STIM2: variants seen among roughly 807,000 people sequenced by gnomAD.
The protein encoded by STIM2 is stromal interaction molecule 2.
A neutral mutation model predicts 85.8 loss-of-function variants in STIM2; 31 were observed. The ratio of observed to expected loss-of-function variants is 0.36; its 90% confidence interval spans 0.27 to 0.49. The LOEUF (loss-of-function observed/expected upper bound fraction) is 0.49. STIM2 is among the 20% of genes least tolerant of loss of function. The pLI is 0.98. For missense variants in STIM2, 841 were observed against 927.6 expected (o/e 0.91, Z 1.21); for synonymous variants, 356 against 331.1 (o/e 1.08, Z -0.82).
intron 1 of STIM2, among the ~76,000 whole-genome samples, chr4:26,896,552 G>T (rs1342187717): frequency 6.6e-6 from 1 of 152,090 alleles, no homozygotes; most frequent in African/African-American, 2.4e-5. Context: ...TTTAAAAAAC[G>T]CTTTTATTTT....
intron 4 of STIM2, among the ~76,000 whole-genome samples, chr4:26,996,126 G>A (rs980876533): frequency 6.6e-6 from 1 of 151,986 alleles, no homozygotes; most frequent in African/African-American, 2.4e-5. Flanking sequence ...TGATAGCAAA[G>A]TCCAGGTTGC....
chr4:26,966,524 T>C (rs1330733872), intron 3 of STIM2, among the ~76,000 whole-genome samples: 1 of 152,084 alleles, frequency 6.6e-6, no homozygotes, highest in African/African-American at 2.4e-5. Context: ...ACTTAAGTCT[T>C]TTTCCCCCCA....
chr4:26,864,014 G>A (rs1722307762), intron 1 of STIM2, among the ~76,000 whole-genome samples: 1 of 152,028 alleles, frequency 6.6e-6, no homozygotes, highest in African/African-American at 2.4e-5. Flanking sequence ...GGGATTTAGT[G>A]TACTTTAAGA....
At chr4:26,968,228 A>G (rs1377790329) in intron 3 of STIM2, among the ~76,000 whole-genome samples, 4 of 152,174 alleles carry the variant, frequency 2.6e-5, no homozygotes, top group Non-Finnish European at 4.4e-5. Flanking sequence ...ACGGAGTGAC[A>G]TACATGCACA....
chr4:26,971,671 G>A (rs2109104917), intron 3 of STIM2, among the ~76,000 whole-genome samples: 1 of 152,290 alleles, frequency 6.6e-6, no homozygotes, highest in Admixed American at 6.5e-5. Context: ...TTGAAGTCAG[G>A]TAGTGTGATG....
intron 1 of STIM2, among the ~76,000 whole-genome samples, chr4:26,905,668 A>G (rs1253004119): frequency 6.6e-6 from 1 of 152,252 alleles, no homozygotes; most frequent in Non-Finnish European, 1.5e-5. Context: ...CATAATTAAC[A>G]TAGAAAAATA....
intron 1 of STIM2, among the ~76,000 whole-genome samples, chr4:26,896,233 C>G (rs1211229939): frequency 6.6e-6 from 1 of 152,222 alleles, no homozygotes; most frequent in Non-Finnish European, 1.5e-5. Context: ...CACTTTTCAT[C>G]TCTTTGACTG....
At chr4:27,022,399 A>T in intron 11 of STIM2, 120 bp from the exon 12 acceptor site, 2 of 791,962 alleles carry the variant, frequency 2.5e-6, no homozygotes, top group Non-Finnish European at 4.0e-6. Flanking sequence ...ATATAGAATC[A>T]TATCATTTCC....
At chr4:26,973,190 C>T (rs533264985) in intron 3 of STIM2, among the ~76,000 whole-genome samples, 71 of 152,052 alleles carry the variant, frequency 4.7e-4, no homozygotes, top group African/African-American at 1.6e-3. Context: ...TCAAAAAACC[C>T]GCTCCTGGAT....
intron 1 of STIM2, among the ~76,000 whole-genome samples, chr4:26,872,012 A>G (rs1366102258): frequency 6.6e-6 from 1 of 152,152 alleles, no homozygotes; most frequent in Non-Finnish European, 1.5e-5. Context: ...GAATAAATGA[A>G]TTACTCTGTG....
chr4:27,007,806 C>A, intron 8 of STIM2, 106 bp downstream of exon 8: 1 of 1,251,508 alleles, frequency 8.0e-7, no homozygotes, highest in Non-Finnish European at 1.1e-6. Context: ...TTTATTATTA[C>A]AGATTCTTTT....
At chr4:26,981,161 A>G (rs1727374704) in intron 3 of STIM2, among the ~76,000 whole-genome samples, 1 of 152,182 alleles carries the variant, frequency 6.6e-6, no homozygotes, top group Non-Finnish European at 1.5e-5. Flanking sequence ...GTGACATCGG[A>G]CAGGACAAAT....
intron 1 of STIM2, among the ~76,000 whole-genome samples, chr4:26,895,968 G>A (rs1723684877): frequency 6.6e-6 from 1 of 152,162 alleles, no homozygotes; most frequent in Non-Finnish European, 1.5e-5. Flanking sequence ...TCTGGGCATG[G>A]TTTACCTCAA....
In STIM2 at chr4:26,919,433, A is replaced by C. The variant is rs878856522; in HGVS notation, c.152-71A>C. Reference sequence around the variant, plus strand: ...AGTTTAATTCTGTTGGTTTTCTTTTAAATTATACTCTCTAACTATAGCCTT... The same window carrying C: ...AGTTTAATTCTGTTGGTTTTCTTTTCAATTATACTCTCTAACTATAGCCTT... On this transcript the variant is annotated intron_variant, in intron 1 of 11. Coordinates refer to ENST00000467087, the MANE Select transcript of STIM2 (RefSeq NM_020860.4). The C allele has an allele frequency of 3.1e-5, 49 of 1,579,208 alleles. 2 individuals carry two copies. In the South Asian group the frequency reaches 5.8e-4, roughly 19 times the overall value.
intron 1 of STIM2, among the ~76,000 whole-genome samples, chr4:26,908,876 C>T (rs1471527934): frequency 6.6e-6 from 1 of 152,116 alleles, no homozygotes; most frequent in African/African-American, 2.4e-5. Context: ...TGGAATCAGT[C>T]AAAAGATTTA....
intron 1 of STIM2, among the ~76,000 whole-genome samples, chr4:26,883,601 G>A (rs865965543): frequency 2.2e-4 from 34 of 152,072 alleles, no homozygotes; most frequent in African/African-American, 7.7e-4. Context: ...ATTATGGTGG[G>A]CAAAGCAGTT....
chr4:26,885,877 A>G (rs59678983), intron 1 of STIM2, among the ~76,000 whole-genome samples: 1 of 131,990 alleles, frequency 7.6e-6, no homozygotes, highest in East Asian at 2.2e-4. Flanking sequence ...ATATATATGT[A>G]TATGTCTATT....
At chr4:26,960,807 GT>G (rs1726426385) in intron 3 of STIM2, among the ~76,000 whole-genome samples, 2 of 152,146 alleles carry the variant, frequency 1.3e-5, no homozygotes, top group South Asian at 4.1e-4. Context: ...GCTCATGCCT[GT>G]AATCCAGCAC....
chr4:26,866,108 A>G (rs1291834146), intron 1 of STIM2, among the ~76,000 whole-genome samples: 1 of 152,136 alleles, frequency 6.6e-6, no homozygotes, highest in Non-Finnish European at 1.5e-5. Context: ...TTTAGTTACC[A>G]ACGATCTTGT....
Sources: gnomAD v4.1 joint callset for allele counts (sites outside exome capture counted in the v4.1 genomes callset) on GRCh38, gnomAD v4.1.1 for gene constraint, MANE v1.5 for transcripts, NCBI Gene and HGNC (gene_info 2026-07-23, HGNC 2026-07-21) for gene names.